EYS: variants seen among roughly 807,000 people sequenced by gnomAD.
EYS encodes the protein EGF-like photoreceptor maintenance factor, also known as protein eyes shut homolog.
Under a neutral mutation model 282.1 loss-of-function variants are expected in EYS, and 250 were observed. That is an observed-to-expected ratio of 0.89 (90% confidence interval 0.80 to 0.98). The LOEUF (loss-of-function observed/expected upper bound fraction) is 0.98, where lower values mean the gene tolerates loss of function less well. Ranked by LOEUF, EYS falls within the 50% of genes least tolerant of loss-of-function variation. EYS has a pLI of 0.00. For synonymous variants in EYS, 1,355 were observed against 1,282.9 expected, an observed-to-expected ratio of 1.06 and a Z score of -1.20; for missense variants, 4,016 against 3,709.0, an observed-to-expected ratio of 1.08 and a Z score of -2.15.
At chr6:64,442,704 C>T (rs570361961) in intron 26 of EYS, among the ~76,000 whole-genome samples, 76 of 152,298 alleles carry the variant, frequency 5.0e-4, no homozygotes, top group Admixed American at 1.9e-3. Context: ...TGAGCCATTG[C>T]TTCAGAGGGT....
chr6:65,284,779 C>G (rs1174713195), intron 12 of EYS, among the ~76,000 whole-genome samples: 1 of 152,014 alleles, frequency 6.6e-6, no homozygotes, highest in Non-Finnish European at 1.5e-5. Context: ...ATCCATAATA[C>G]ATAACTTTGT....
chr6:64,909,332 A>G (rs1767923631), intron 16 of EYS, among the ~76,000 whole-genome samples: 1 of 152,184 alleles, frequency 6.6e-6, no homozygotes, highest in South Asian at 2.1e-4. Context: ...ATAAATTTCT[A>G]GGTGTGTAAA....
intron 31 of EYS, among the ~76,000 whole-genome samples, chr6:64,143,073 A>G (rs887015381): frequency 3.3e-5 from 5 of 152,230 alleles, no homozygotes; most frequent in African/African-American, 1.2e-4. Context: ...CAGTGGAAAA[A>G]GGCTACATGC....
intron 26 of EYS, among the ~76,000 whole-genome samples, chr6:64,560,575 C>T (rs1350665815): frequency 6.6e-6 from 1 of 152,032 alleles, no homozygotes; most frequent in African/African-American, 2.4e-5. Flanking sequence ...ACTATTATGC[C>T]TAATTCATCA....
intron 30 of EYS, among the ~76,000 whole-genome samples, chr6:64,291,898 G>T (rs993665753): frequency 6.6e-6 from 1 of 152,070 alleles, no homozygotes; most frequent in Non-Finnish European, 1.5e-5. Flanking sequence ...GAAGATGGCT[G>T]ATTATAACAG....
intron 7 of EYS, among the ~76,000 whole-genome samples, chr6:65,395,672 T>C (rs987631705): frequency 2.0e-5 from 3 of 152,192 alleles, no homozygotes; most frequent in African/African-American, 4.8e-5. Context: ...TGATAAATAC[T>C]GTTTGTACAT....
At chr6:65,499,286 A>G (rs1465596898) in intron 2 of EYS, among the ~76,000 whole-genome samples, 1 of 152,056 alleles carries the variant, frequency 6.6e-6, no homozygotes, top group Non-Finnish European at 1.5e-5. Context: ...AGTTTTATAT[A>G]AGCCAAAAAA....
chr6:63,872,100 G>A (rs566372896), intron 35 of EYS, among the ~76,000 whole-genome samples: 79 of 152,288 alleles, frequency 5.2e-4, no homozygotes, highest in African/African-American at 1.8e-3. Context: ...TTTCATAGAC[G>A]CCCCAGTGGG....
intron 42 of EYS, among the ~76,000 whole-genome samples, chr6:63,722,965 T>G (rs1362425560): frequency 6.6e-6 from 1 of 152,234 alleles, no homozygotes; most frequent in Non-Finnish European, 1.5e-5. Flanking sequence ...CTTTATCCAC[T>G]AGGTTGTAAG....
intron 30 of EYS, among the ~76,000 whole-genome samples, chr6:64,263,088 G>C (rs75117159): frequency 3.3e-5 from 5 of 151,858 alleles, no homozygotes; most frequent in African/African-American, 1.2e-4. Context: ...GATAGTAAAC[G>C]CTAGTGCAAA....
intron 22 of EYS, among the ~76,000 whole-genome samples, chr6:64,646,268 G>C (rs938218772): frequency 6.6e-6 from 1 of 152,062 alleles, no homozygotes; most frequent in Non-Finnish European, 1.5e-5. Flanking sequence ...GTTGTGGATG[G>C]GCTGTCAATA....
At chr6:63,771,222 T>C (rs1298715407) in intron 40 of EYS, among the ~76,000 whole-genome samples, 1 of 152,116 alleles carries the variant, frequency 6.6e-6, no homozygotes, top group Non-Finnish European at 1.5e-5. Context: ...CAAAATAAGA[T>C]GATAAATTAC....
At chr6:65,289,155 A>C (rs2150281592) in intron 12 of EYS, among the ~76,000 whole-genome samples, 1 of 151,242 alleles carries the variant, frequency 6.6e-6, no homozygotes, top group East Asian at 1.9e-4. Context: ...AAATAGATTT[A>C]AATAAGAAAA....
At chr6:64,713,884 G>A (rs374993292) in intron 22 of EYS, among the ~76,000 whole-genome samples, 23 of 152,104 alleles carry the variant, frequency 1.5e-4, no homozygotes, top group East Asian at 1.9e-4. Context: ...TCCATGAAAC[G>A]AATAACCTTG....
intron 1 of EYS, among the ~76,000 whole-genome samples, chr6:65,649,249 G>A (rs1317563596): frequency 4.1e-5 from 6 of 145,092 alleles, no homozygotes; most frequent in Admixed American, 6.9e-5. Context: ...CAAGAGTTTT[G>A]TATGTGTTTT....
intron 5 of EYS, among the ~76,000 whole-genome samples, chr6:65,444,857 A>T (rs2150397110): frequency 6.6e-6 from 1 of 152,236 alleles, no homozygotes; most frequent in South Asian, 2.1e-4. Context: ...TGCTAGAAGC[A>T]GGACCAATAT....
chr6:64,247,399 G>A (rs933702860), intron 30 of EYS, among the ~76,000 whole-genome samples: 7 of 152,114 alleles, frequency 4.6e-5, no homozygotes, highest in Non-Finnish European at 7.4e-5. Context: ...TATCTATTTC[G>A]TGGAAAGGAC....
At chr6:65,139,321 C>T (rs1471528463) in intron 12 of EYS, among the ~76,000 whole-genome samples, 1 of 151,962 alleles carries the variant, frequency 6.6e-6, no homozygotes, top group African/African-American at 2.4e-5. Flanking sequence ...CCTAAGCAAA[C>T]TAATACAGGA....
At chr6:64,343,094 C>T (rs1022584095) in intron 29 of EYS, among the ~76,000 whole-genome samples, 92 of 152,202 alleles carry the variant, frequency 6.0e-4, no homozygotes, top group Non-Finnish European at 2.1e-4. Flanking sequence ...TAGACTCCCA[C>T]ACAATAATAA....
Sources: allele counts gnomAD v4.1 joint callset (sites outside exome capture counted in the v4.1 genomes callset), GRCh38; gene constraint gnomAD v4.1.1; transcripts MANE v1.5; gene names NCBI Gene and HGNC (gene_info 2026-07-23, HGNC 2026-07-21).